Variants in ABHD12 observed in about 807,000 individuals in gnomAD.
ABHD12 encodes abhydrolase domain containing 12, lysophospholipase.
In ABHD12, 43 loss-of-function variants were observed where a neutral mutation model predicts 58.3. The observed-to-expected ratio is 0.74, with a 90% CI of 0.58 to 0.95. The LOEUF is 0.95. Ranked by LOEUF, ABHD12 falls within the 40% of genes least tolerant of loss-of-function variation. The pLI is 0.00. For synonymous variants in ABHD12, 219 were observed against 211.2 expected (o/e 1.04, Z -0.32); for missense variants, 539 against 537.2 (o/e 1.00, Z -0.03).
At chr20:25,294,841 G>T in exon 13 of ABHD12, 1 of 957,584 alleles carries the variant, frequency 1.0e-6, no homozygotes, top group Non-Finnish European at 1.7e-6. Context: ...GCTCAGGGCA[G>T]TTCTTCACCG....
intron 10 of ABHD12, among the ~76,000 whole-genome samples, chr20:25,305,653 G>A (rs527501238): frequency 1.3e-5 from 2 of 151,776 alleles, no homozygotes; most frequent in South Asian, 2.1e-4. Context: ...GAGCCACCAC[G>A]CCCAGCCTAC....
chr20:25,367,487 T>C (rs982673911), intron 1 of ABHD12, among the ~76,000 whole-genome samples: 3 of 152,256 alleles, frequency 2.0e-5, no homozygotes, highest in African/African-American at 7.2e-5. Flanking sequence ...ATGTTCATAC[T>C]GTTGTGTAAT....
rs570299410 is a variant in ABHD12 at position 25,389,037 on chromosome 20, C to G, written c.191+1476G>C. Reference sequence around the variant, plus strand: ...GTCAAGCTGGTCTCGAACTCCTGACCTCTGATAATCTGCCCGCCTCGGTCT... The same window carrying G: ...GTCAAGCTGGTCTCGAACTCCTGACGTCTGATAATCTGCCCGCCTCGGTCT... On this transcript the variant is annotated intron_variant, in intron 1 of 12. Coordinates refer to ENST00000339157, the MANE Select transcript of ABHD12 (RefSeq NM_001042472.3). Among the ~76,000 whole-genome samples, 6 of 152,246 alleles carry G rather than the reference C, an allele frequency of 3.9e-5. No homozygotes were observed. The East Asian group carries it at 1.2e-3, about 29-fold the overall frequency.
intron 1 of ABHD12, among the ~76,000 whole-genome samples, chr20:25,371,947 C>T (rs1274250823): frequency 6.6e-6 from 1 of 152,162 alleles, no homozygotes; most frequent in Admixed American, 6.5e-5. Flanking sequence ...CTCAAGCATG[C>T]TTTCGGGGCA....
At chr20:25,301,251 G>A (rs1465196758) in intron 12 of ABHD12, among the ~76,000 whole-genome samples, 2 of 152,218 alleles carry the variant, frequency 1.3e-5, no homozygotes, top group Non-Finnish European at 2.9e-5. Flanking sequence ...CCAGGTACCT[G>A]TGCTAAAGGG....
intron 1 of ABHD12, among the ~76,000 whole-genome samples, chr20:25,366,445 T>C (rs2089822909): frequency 6.6e-6 from 1 of 152,130 alleles, no homozygotes; most frequent in Admixed American, 6.6e-5. Context: ...TTTGTATTTT[T>C]AGTAGAGATG....
At chr20:25,334,556 A>C (rs1315189577) in intron 2 of ABHD12, among the ~76,000 whole-genome samples, 6 of 152,222 alleles carry the variant, frequency 3.9e-5, no homozygotes, top group Admixed American at 3.9e-4. Flanking sequence ...TTCAAACTAT[A>C]CTACAAGGCT....
chr20:25,353,586 G>A (rs2089630185), intron 1 of ABHD12, among the ~76,000 whole-genome samples: 1 of 152,072 alleles, frequency 6.6e-6, no homozygotes. Flanking sequence ...GTACAGGCTG[G>A]GCTGCTGCTG....
chr20:25,355,395 C>A (rs1226062276), intron 1 of ABHD12, among the ~76,000 whole-genome samples: 1 of 152,172 alleles, frequency 6.6e-6, no homozygotes, highest in East Asian at 1.9e-4. Flanking sequence ...TGCTGTGTCC[C>A]TGAACTCAAT....
intron 1 of ABHD12, chr20:25,368,227 T>C (rs1218049895): frequency 7.1e-7 from 1 of 1,413,978 alleles, no homozygotes; most frequent in Non-Finnish European, 9.8e-7. Flanking sequence ...TCTCCTGAGC[T>C]ACAGAAGGAA....
At chr20:25,380,479 T>C (rs1205369282) in intron 1 of ABHD12, among the ~76,000 whole-genome samples, 1 of 152,026 alleles carries the variant, frequency 6.6e-6, no homozygotes, top group Non-Finnish European at 1.5e-5. Context: ...CCTCCAGCCA[T>C]CCCTCCCTGT....
chr20:25,356,980 CAAAG>C lies in ABHD12; in HGVS notation c.192-17633_192-17630del, dbSNP rs549790772. ...CAAGACTCTGCTCTCTACAAATGAACAAAGAAAGACACAGTAAACTGAACTAAAT... is the reference window on the plus strand; with the variant it reads ...CAAGACTCTGCTCTCTACAAATGAACAAAGACACAGTAAACTGAACTAAAT... On this transcript the variant is annotated intron_variant, in intron 1 of 12. Transcript: ENST00000339157. 1.1e-3 allele frequency among the ~76,000 whole-genome samples: 166 copies of C among 152,220 alleles called. 1 individual carries two copies. Among genetic ancestry groups the C allele is most frequent in the African/African-American group, 3.8e-3 (159 of 41,534 alleles).
intron 1 of ABHD12, among the ~76,000 whole-genome samples, chr20:25,354,027 G>A (rs2089636486): frequency 6.6e-6 from 1 of 152,182 alleles, no homozygotes; most frequent in African/African-American, 2.4e-5. Context: ...AAACCCAAGG[G>A]GAATGGGAAT....
intron 1 of ABHD12, among the ~76,000 whole-genome samples, chr20:25,348,276 G>A (rs180770561): frequency 1.3e-5 from 2 of 151,854 alleles, no homozygotes; most frequent in African/African-American, 4.8e-5. Context: ...TTCGAGAAAA[G>A]GCAAGAAATA....
chr20:25,381,909 C>T (rs1052297889), intron 1 of ABHD12, among the ~76,000 whole-genome samples: 2 of 152,118 alleles, frequency 1.3e-5, no homozygotes, highest in Non-Finnish European at 2.9e-5. Flanking sequence ...CTGCCTGCCT[C>T]GGCCTCCCAA....
chr20:25,309,963 G>A (rs2088818084), intron 6 of ABHD12, among the ~76,000 whole-genome samples: 3 of 152,250 alleles, frequency 2.0e-5, no homozygotes, highest in African/African-American at 4.8e-5. Flanking sequence ...GGCCAGGGCT[G>A]GGACTTGCCC....
At chr20:25,380,385 C>T (rs2090008652) in intron 1 of ABHD12, among the ~76,000 whole-genome samples, 2 of 151,990 alleles carry the variant, frequency 1.3e-5, no homozygotes, top group South Asian at 4.2e-4. Flanking sequence ...TAGTGGGCTG[C>T]CTGAAGTTGT....
intron 2 of ABHD12, among the ~76,000 whole-genome samples, chr20:25,334,774 C>A (rs1290097950): frequency 5.3e-4 from 79 of 148,648 alleles, no homozygotes; most frequent in Non-Finnish European, 8.8e-4. Context: ...GAAACTGGAT[C>A]CCTTCCTTAC....
At chr20:25,378,406 C>G (rs905510134) in intron 1 of ABHD12, among the ~76,000 whole-genome samples, 4 of 152,150 alleles carry the variant, frequency 2.6e-5, no homozygotes, top group African/African-American at 9.7e-5. Context: ...CCTATGGGCA[C>G]TTGGCATTGA....
Sources: gnomAD v4.1 joint callset for allele counts (sites outside exome capture counted in the v4.1 genomes callset) on GRCh38, gnomAD v4.1.1 for gene constraint, MANE v1.5 for transcripts, NCBI Gene and HGNC (gene_info 2026-07-23, HGNC 2026-07-21) for gene names.